The following HERC3 variants were observed in gnomAD, a reference collection of about 807,000 sequenced individuals.
HERC3 encodes probable E3 ubiquitin-protein ligase HERC3.
In HERC3, 58 loss-of-function variants were observed where a neutral mutation model predicts 129.9. The observed-to-expected ratio is 0.45, with a 90% CI of 0.36 to 0.56. HERC3 has a LOEUF of 0.56. Among genes scored for constraint, HERC3 ranks in the 20% least tolerant of loss-of-function variants. The pLI is 0.00. For synonymous variants in HERC3, 430 were observed against 451.0 expected, an observed-to-expected ratio of 0.95 and a Z score of 0.59; for missense variants, 835 against 1,244.2, an observed-to-expected ratio of 0.67 and a Z score of 4.95.
intron 23 of HERC3, chr4:88,697,435 T>C (rs1734734409): frequency 6.2e-7 from 1 of 1,614,162 alleles, no homozygotes; most frequent in Non-Finnish European, 8.5e-7. Context: ...ATTATACTTT[T>C]TTTCCAGAGC....
chr4:88,634,750 C>G (rs778827029), intron 3 of HERC3, among the ~76,000 whole-genome samples: 5 of 150,880 alleles, frequency 3.3e-5, no homozygotes, highest in African/African-American at 1.2e-4. Context: ...AGCATCCCTA[C>G]TGGCATCAGG....
At chr4:88,540,744 C>G in the HERC3 span, among the ~76,000 whole-genome samples, 1 of 152,216 alleles carries the variant, frequency 6.6e-6, no homozygotes. Flanking sequence ...AACAGCAGAT[C>G]TCTCGGCAGA....
intron 11 of HERC3, among the ~76,000 whole-genome samples, 170 bp from the exon 12 acceptor site, chr4:88,663,983 A>G (rs1420958976): frequency 6.6e-6 from 1 of 152,132 alleles, no homozygotes; most frequent in Non-Finnish European, 1.5e-5. Flanking sequence ...TCATTTTGAG[A>G]TGTGACATCC....
chr4:88,533,205 C>A, the HERC3 span, among the ~76,000 whole-genome samples: 4 of 152,204 alleles, frequency 2.6e-5, no homozygotes, highest in African/African-American at 4.8e-5. Flanking sequence ...AGATGAAGGC[C>A]AGAAAACTCA....
chr4:88,541,124 C>G, the HERC3 span, among the ~76,000 whole-genome samples: 1 of 151,968 alleles, frequency 6.6e-6, no homozygotes, highest in African/African-American at 2.4e-5. Context: ...GGCTAAATGC[C>G]CCAATTAAGA....
chr4:88,639,332 T>C (rs3017930), intron 3 of HERC3, among the ~76,000 whole-genome samples: 146,937 of 152,340 alleles, frequency 0.96, 70,901 homozygotes, highest in East Asian at 1. Context: ...TGTTACCTGA[T>C]TTCAAACTAT....
At chr4:88,684,138 C>T (rs984331171) in intron 21 of HERC3, among the ~76,000 whole-genome samples, 22 of 152,136 alleles carry the variant, frequency 1.4e-4, no homozygotes, top group African/African-American at 5.1e-4. Context: ...TCATATGGAA[C>T]CATAAAAGAG....
chr4:88,569,801 G>A, the HERC3 span, among the ~76,000 whole-genome samples: 3 of 152,320 alleles, frequency 2.0e-5, no homozygotes, highest in East Asian at 1.9e-4. Context: ...CCTCCCCAGC[G>A]CTCCAGGTTG....
At chr4:88,570,399 T>G in the HERC3 span, among the ~76,000 whole-genome samples, 1,315 of 152,242 alleles carry the variant, frequency 8.6e-3, 18 homozygotes, top group African/African-American at 0.03. Context: ...GTTTACTATC[T>G]TATACAAATG....
chr4:88,670,111 C>T, intron 15 of HERC3, 28 bp from the exon 16 acceptor site: 1 of 1,601,490 alleles, frequency 6.2e-7, no homozygotes, highest in Non-Finnish European at 8.6e-7. Flanking sequence ...AGCCATGTTT[C>T]AGTTGTCTGT....
the HERC3 span, among the ~76,000 whole-genome samples, chr4:88,528,761 C>T: frequency 1.3e-5 from 2 of 152,266 alleles, no homozygotes; most frequent in Non-Finnish European, 2.9e-5. Context: ...AAAAATTATC[C>T]AGTGATTTAT....
intron 23 of HERC3, among the ~76,000 whole-genome samples, chr4:88,698,738 A>G (rs1040507603): frequency 7.0e-6 from 1 of 142,062 alleles, no homozygotes; most frequent in Non-Finnish European, 1.5e-5. Flanking sequence ...TCCACACCAC[A>G]TCTTCTCCCT....
chr4:88,649,903 T>C lies in HERC3; in HGVS notation c.290T>C (p.Leu97Pro). Residue 97 changes from leucine (L) to proline (P), a missense_variant, in exon 4 of 26, where the codon CTG becomes CCG. Transcript: ENST00000402738. ...IHVACGESHS[L>P]ALSDRGQLFS... The stretch of plus-strand genomic sequence containing the variant: ...GTGGCATGTGGCGAGTCCCACAGTC[T>C]GGCCCTCAGTGACCGAGGCCAGCTG... 1 of 1,614,108 alleles carries C rather than the reference T, an allele frequency of 6.2e-7. No individual in the cohort carries two copies. The highest frequency in any genetic ancestry group is 8.5e-7 in the Non-Finnish European group (1 of 1,179,990).
At chr4:88,542,951 G>A in the HERC3 span, among the ~76,000 whole-genome samples, 3 of 152,118 alleles carry the variant, frequency 2.0e-5, no homozygotes, top group African/African-American at 7.2e-5. Context: ...AATAATAAGA[G>A]CTATTTATGA....
the HERC3 span, among the ~76,000 whole-genome samples, chr4:88,524,234 G>A: frequency 1.3e-5 from 2 of 152,168 alleles, no homozygotes; most frequent in Non-Finnish European, 2.9e-5. Context: ...ATTAAAAAAA[G>A]TGAGAACCTG....
chr4:88,577,386 C>T, the HERC3 span, among the ~76,000 whole-genome samples: 1 of 152,010 alleles, frequency 6.6e-6, no homozygotes, highest in Admixed American at 6.6e-5. Flanking sequence ...AAGTTACTTA[C>T]ATAGATCAGG....
chr4:88,707,121 T>G lies in HERC3; in HGVS notation c.*161T>G. The stretch of plus-strand genomic sequence containing the variant: ...ATGTGTTTCTGGGATTGTATAGCAG[T>G]AAACAACCTTTTTGAAAAATTAGAG... On this transcript the variant is annotated 3_prime_UTR_variant, in exon 26 of 26. Transcript: ENST00000402738. The G allele has an allele frequency of 1.6e-6, 1 of 636,298 alleles. No individual in the cohort carries two copies. Among genetic ancestry groups the G allele is most frequent in the Middle Eastern group, 4.3e-4 (1 of 2,306 alleles). The allele number at this position is 636,298 out of a possible 1,614,324, so 39.4% of individuals were successfully genotyped here. A position where few individuals can be genotyped will look rare whatever the true frequency, so the allele number is the denominator to read the frequency against.
chr4:88,666,420 A>G (rs1731051371), intron 12 of HERC3, among the ~76,000 whole-genome samples: 1 of 152,192 alleles, frequency 6.6e-6, no homozygotes, highest in South Asian at 2.1e-4. Context: ...TCATTTCTAT[A>G]TTTTGGGCAG....
intron 2 of HERC3, among the ~76,000 whole-genome samples, chr4:88,598,939 C>T (rs1560656756): frequency 6.6e-6 from 1 of 152,144 alleles, no homozygotes; most frequent in South Asian, 2.1e-4. Context: ...TGCAGCCAAG[C>T]GGGGCTGGTG....
Sources: allele counts gnomAD v4.1 joint callset (sites outside exome capture counted in the v4.1 genomes callset), GRCh38; gene constraint gnomAD v4.1.1; transcripts MANE v1.5; gene names NCBI Gene and HGNC (gene_info 2026-07-23, HGNC 2026-07-21).